The following ESRRB variants were observed in gnomAD, a reference collection of about 807,000 sequenced individuals.
The protein encoded by ESRRB is estrogen related receptor beta, also known as steroid hormone receptor ERR2.
In ESRRB, 16 loss-of-function variants were observed where a neutral mutation model predicts 46.0. The observed-to-expected ratio is 0.35, with a 90% confidence interval of 0.24 to 0.53. The LOEUF (loss-of-function observed/expected upper bound fraction) is 0.53. ESRRB is among the 20% of genes least tolerant of loss of function. ESRRB has a pLI of 0.93. For missense variants in ESRRB, 488 were observed against 607.4 expected (o/e 0.80, Z 2.07); for synonymous variants, 246 against 259.6 (o/e 0.95, Z 0.50).
chr14:76,362,661 T>C (rs2139773033), intron 1 of ESRRB, among the ~76,000 whole-genome samples: 1 of 152,346 alleles, frequency 6.6e-6, no homozygotes, highest in Non-Finnish European at 1.5e-5. Context: ...TCTTTATTCA[T>C]TTGATTCCTT....
chr14:76,446,480 G>A (rs2139950780), intron 2 of ESRRB, among the ~76,000 whole-genome samples: 1 of 151,766 alleles, frequency 6.6e-6, no homozygotes, highest in East Asian at 1.9e-4. Flanking sequence ...GGAACAGAAT[G>A]GCTCCAAGTC....
At chr14:76,332,654 AATATATATT>A (rs1347330675) in intron 1 of ESRRB, among the ~76,000 whole-genome samples, 1,186 of 20,382 alleles carry the variant, frequency 0.058, 73 homozygotes, top group African/African-American at 0.16. Flanking sequence ...ATATTATATA[AATATATATT>A]ATATATATTT....
intron 1 of ESRRB, among the ~76,000 whole-genome samples, chr14:76,407,020 T>C (rs1439987368): frequency 2.0e-5 from 3 of 152,278 alleles, no homozygotes; most frequent in South Asian, 4.1e-4. Flanking sequence ...AATGAACAAA[T>C]GAATAAATGA....
chr14:76,369,655 A>G (rs183708067), upstream of ESRRB, among the ~76,000 whole-genome samples: 7 of 152,340 alleles, frequency 4.6e-5, no homozygotes, highest in African/African-American at 1.7e-4. Flanking sequence ...GAGCAAAAAT[A>G]AAATGCATTT....
chr14:76,479,032 G>A (rs1422900639), intron 3 of ESRRB, among the ~76,000 whole-genome samples: 1 of 152,190 alleles, frequency 6.6e-6, no homozygotes, highest in Non-Finnish European at 1.5e-5. Context: ...GGATGCCTTA[G>A]TGCAGTGCTC....
At chr14:76,487,951 C>A (rs1890083144) in intron 5 of ESRRB, among the ~76,000 whole-genome samples, 1 of 152,026 alleles carries the variant, frequency 6.6e-6, no homozygotes, top group Non-Finnish European at 1.5e-5. Flanking sequence ...AGGGAGCATG[C>A]CTTTTATTTT....
At chr14:76,430,012 C>CTTCCT (rs1707790070) in intron 1 of ESRRB, among the ~76,000 whole-genome samples, 1 of 151,998 alleles carries the variant, frequency 6.6e-6, no homozygotes, top group Non-Finnish European at 1.5e-5. Flanking sequence ...GCCTCCCTTC[C>CTTCCT]TTCCTTTCTT....
intron 1 of ESRRB, among the ~76,000 whole-genome samples, chr14:76,318,279 G>A (rs761715354): frequency 1.7e-4 from 26 of 152,190 alleles, no homozygotes; most frequent in Non-Finnish European, 3.1e-4. Context: ...TGAGGTTTGG[G>A]AGGGGAGTTG....
intron 1 of ESRRB, among the ~76,000 whole-genome samples, chr14:76,433,258 G>A (rs1336221036): frequency 6.6e-6 from 1 of 152,128 alleles, no homozygotes. Context: ...AAGCTGACAC[G>A]TATTTTGTGT....
rs1227959079 is a variant in ESRRB, at chr14:76,376,460, C to A, written c.50+9C>A. ...CTCGGCTACCACAACCAGTAGGTGC[C>A]CTGCTTCTCGGTCTGTCTGTCCTTC... On this transcript the variant is annotated intron_variant, in intron 1 of 6. Transcript: ENST00000644823. This position sits in a 1 kb window ranked among gnomAD's most constrained non-coding sequence, Gnocchi z 4.1. 2 of 1,231,524 alleles carry A rather than the reference C, an allele frequency of 1.6e-6. No homozygotes were observed. The highest frequency in any genetic ancestry group is 8.2e-5 in the South Asian group (2 of 24,310). 76.3% of individuals were successfully genotyped at this position (1,231,524 alleles called of 1,614,324 possible).
At chr14:76,358,401 AAGAAAGAAAGAAAAG>A in intron 1 of ESRRB, among the ~76,000 whole-genome samples, 1 of 129,556 alleles carries the variant, frequency 7.7e-6, no homozygotes, top group African/African-American at 2.9e-5. Context: ...GAAAGAAAGA[AAGAAAGAAAGAAAAG>A]AAAAGAAAAA....
intron 1 of ESRRB, among the ~76,000 whole-genome samples, chr14:76,385,476 G>T (rs1000421407): frequency 1.3e-5 from 2 of 152,188 alleles, no homozygotes; most frequent in Admixed American, 6.5e-5. Flanking sequence ...GAGAAAGGGT[G>T]TTTTTTCTTA....
intron 2 of ESRRB, among the ~76,000 whole-genome samples, chr14:76,461,336 G>T (rs1566598510): frequency 2.6e-5 from 4 of 152,204 alleles, no homozygotes; most frequent in Non-Finnish European, 5.9e-5. Flanking sequence ...CTGTAGATCA[G>T]TCATTCACTG....
intron 1 of ESRRB, among the ~76,000 whole-genome samples, chr14:76,415,581 A>G (rs750420326): frequency 1.1e-4 from 16 of 152,254 alleles, no homozygotes; most frequent in Non-Finnish European, 2.1e-4. Context: ...AATCACTTGA[A>G]CCCGGAAGGT....
intron 1 of ESRRB, among the ~76,000 whole-genome samples, chr14:76,420,075 G>A (rs1198926782): frequency 6.6e-6 from 1 of 152,204 alleles, no homozygotes; most frequent in Admixed American, 6.5e-5. Context: ...GTTTCATTTT[G>A]TAATGTAGAC....
At chr14:76,469,791 A>G (rs1889279766) in intron 3 of ESRRB, among the ~76,000 whole-genome samples, 2 of 152,216 alleles carry the variant, frequency 1.3e-5, no homozygotes, top group African/African-American at 4.8e-5. Context: ...AGGAATTGAC[A>G]GCACTTGCTA....
In ESRRB at chr14:76,327,867, C is replaced by T. The variant is rs116678840; in HGVS notation, c.2+16951C>T. On this transcript the variant is annotated intron_variant, in intron 1 of 6. Transcript: ENST00000512784. ...TATAGGCACGTGCCACCACACCTGG[C>T]TAATTTTCGTAATTTTTTTTTTTTT... 6.7e-3 allele frequency among the ~76,000 whole-genome samples: 1,022 copies of T among 151,950 alleles called. 14 individuals carry two copies. Among genetic ancestry groups the T allele is most frequent in the African/African-American group, 0.023 (965 of 41,350 alleles).
At chr14:76,399,926 T>C (rs920299914) in intron 1 of ESRRB, among the ~76,000 whole-genome samples, 2 of 152,226 alleles carry the variant, frequency 1.3e-5, no homozygotes, top group Non-Finnish European at 2.9e-5. Context: ...CCAGTGGAAC[T>C]GGGGTAATTG....
At chr14:76,336,345 T>C (rs527556846) in intron 1 of ESRRB, among the ~76,000 whole-genome samples, 2 of 152,326 alleles carry the variant, frequency 1.3e-5, no homozygotes, top group South Asian at 4.1e-4. Flanking sequence ...GGCTGAGTGG[T>C]TCTCCTGGCC....
Sources: gnomAD v4.1 joint callset for allele counts (sites outside exome capture counted in the v4.1 genomes callset) on GRCh38, gnomAD v4.1.1 for gene constraint, Gnocchi (gnomAD v3.1) non-coding constraint, MANE v1.5 for transcripts, NCBI Gene and HGNC (gene_info 2026-07-23, HGNC 2026-07-21) for gene names.